Variants in MAP2K5 observed in about 807,000 individuals in gnomAD.
MAP2K5 encodes the protein dual specificity mitogen-activated protein kinase kinase 5.
In MAP2K5, 49 loss-of-function variants were observed where a neutral mutation model predicts 83.1. The ratio of observed to expected loss-of-function variants is 0.59; its 90% CI spans 0.47 to 0.75. MAP2K5 has a LOEUF of 0.75. Ranked by LOEUF, MAP2K5 falls within the 30% of genes least tolerant of loss-of-function variation. The pLI is 0.00. For synonymous variants in MAP2K5, 202 were observed against 191.8 expected (o/e 1.05, Z -0.44); for missense variants, 457 against 557.5 (o/e 0.82, Z 1.82).
In MAP2K5 at chr15:67,764,804, A is replaced by T. The variant is rs6494694; in HGVS notation, c.1135-4798A>T. Among the ~76,000 whole-genome samples, 2 of 152,008 alleles carry T rather than the reference A, an allele frequency of 1.3e-5. No individual in the cohort carries two copies. The highest frequency in any genetic ancestry group is 4.8e-5 in the African/African-American group (2 of 41,358). On this transcript the variant is annotated intron_variant, in intron 19 of 21. Transcript: ENST00000178640. This position sits in a 1 kb window ranked among gnomAD's most constrained non-coding sequence, Gnocchi z 4.9. ...GAATTATAGGCAAAAATGTAGTCCTAAGGAATATTTTTTTAAGCAAAAGGC... is the reference window on the plus strand; with the variant it reads ...GAATTATAGGCAAAAATGTAGTCCTTAGGAATATTTTTTTAAGCAAAAGGC...
Position 67,789,163 on chromosome 15 carries a change from C to T in MAP2K5, c.1242+16411C>T, listed in dbSNP as rs546789418. 3.3e-5 allele frequency among the ~76,000 whole-genome samples: 5 copies of T among 152,168 alleles called. No individual in the cohort carries two copies. In the South Asian group the frequency reaches 1.0e-3, roughly 32 times the overall value. Reference sequence around the variant, plus strand: ...TTTTTACTTAGTGAGTCATTGAGGTCTTTCCATATAATATAAAGATCAACC... The same window carrying T: ...TTTTTACTTAGTGAGTCATTGAGGTTTTTCCATATAATATAAAGATCAACC... On this transcript the variant is annotated intron_variant, in intron 21 of 21. Transcript: ENST00000178640.
chr15:67,714,107 G>A (rs760152922), intron 16 of MAP2K5, among the ~76,000 whole-genome samples: 3 of 152,082 alleles, frequency 2.0e-5, no homozygotes, highest in African/African-American at 7.2e-5. Flanking sequence ...AACAAAATAG[G>A]CATATTCCCT....
intron 13 of MAP2K5, among the ~76,000 whole-genome samples, chr15:67,681,754 G>A (rs2087823615): frequency 6.6e-6 from 1 of 152,172 alleles, no homozygotes; most frequent in Admixed American, 6.5e-5. Context: ...TTTCTCTTTA[G>A]TGGTATGAAA....
chr15:67,676,922 G>A lies in MAP2K5; in HGVS notation c.847+12277G>A, dbSNP rs923586990. On this transcript the variant is annotated intron_variant, in intron 13 of 21. Transcript: ENST00000178640. This position sits in a 1 kb window ranked among gnomAD's most constrained non-coding sequence, Gnocchi z 4.8. ...ATTCATCTTAGCTATGTGACCTTGG[G>A]TCAGCTTCTTAACTTCTTTGAGGTC... Among the ~76,000 whole-genome samples the A allele has an allele frequency of 6.6e-6, 1 of 152,118 alleles. No individual in the cohort carries two copies. Among genetic ancestry groups the A allele is most frequent in the Admixed American group, 6.6e-5 (1 of 15,262 alleles).
At chr15:67,608,309 A>G in intron 8 of MAP2K5, among the ~76,000 whole-genome samples, 1 of 152,212 alleles carries the variant, frequency 6.6e-6, no homozygotes, top group Admixed American at 6.5e-5. Flanking sequence ...CAGAGGAGCA[A>G]TGGAGAGAAT....
At chr15:67,634,236 G>A (rs1171484030) in intron 9 of MAP2K5, among the ~76,000 whole-genome samples, 1 of 151,318 alleles carries the variant, frequency 6.6e-6, no homozygotes, top group African/African-American at 2.4e-5. Flanking sequence ...GGGCATGGTG[G>A]TGTGTGCCTG....
In MAP2K5 at chr15:67,542,726, GCTACCGCCGTCGCCGCCGCC is replaced by G. The variant is rs2084316365; in HGVS notation, c.-609_-590del. ...CCGCCTTCCTCCTCCTCCTCTCGCC[GCTACCGCCGTCGCCGCCGCC>G]GCAGCCGCCGCCAGTCCGCGCGGCC... On this transcript the variant is annotated 5_prime_UTR_variant, in exon 1 of 22. Coordinates refer to ENST00000178640, the MANE Select transcript of MAP2K5 (RefSeq NM_145160.3). 1 of 97,692 alleles carries G rather than the reference GCTACCGCCGTCGCCGCCGCC, an allele frequency of 1.0e-5. No individual in the cohort carries two copies. The highest frequency in any genetic ancestry group is 2.5e-5 in the Non-Finnish European group (1 of 39,494). 6.1% of individuals were successfully genotyped at this position (97,692 alleles called of 1,614,324 possible).
rs17300363 is a variant in MAP2K5, at chr15:67,561,024, A to C, written c.185-2259A>C. 0.061 allele frequency among the ~76,000 whole-genome samples: 9,229 copies of C among 152,268 alleles called. 416 individuals carry two copies. Among genetic ancestry groups the C allele is most frequent in the South Asian group, 0.17 (841 of 4,826 alleles). On this transcript the variant is annotated intron_variant, in intron 2 of 21. Transcript: ENST00000178640. The surrounding 1 kb of genome is among the most constrained non-coding windows in gnomAD (Gnocchi z 4.2). ...CAGGTCTTGGGTATATTGAAATTCA[A>C]ATATAAGCAGTCTCTTTTTAACCAT...
intron 19 of MAP2K5, among the ~76,000 whole-genome samples, chr15:67,765,766 C>T (rs1257963358): frequency 6.6e-6 from 1 of 152,178 alleles, no homozygotes; most frequent in Non-Finnish European, 1.5e-5. Context: ...TACAGACACA[C>T]ACACACATTT....
rs932428557 is a variant in MAP2K5, at chr15:67,757,310, G to A, written c.1134+8709G>A. The stretch of plus-strand genomic sequence containing the variant: ...AAAATAGTATTTCTAGAAGACATTT[G>A]CAAATCAGATTATGTCTTCCCATTG... On this transcript the variant is annotated intron_variant, in intron 19 of 21. Transcript: ENST00000178640. This position sits in a 1 kb window ranked among gnomAD's most constrained non-coding sequence, Gnocchi z 4.9. Among the ~76,000 whole-genome samples, 3 of 152,110 alleles carry A rather than the reference G, an allele frequency of 2.0e-5. No individual in the cohort carries two copies. The highest frequency in any genetic ancestry group is 7.2e-5 in the African/African-American group (3 of 41,410).
At chr15:67,705,483 C>G (rs2088528091) in intron 16 of MAP2K5, among the ~76,000 whole-genome samples, 1 of 152,096 alleles carries the variant, frequency 6.6e-6, no homozygotes, top group African/African-American at 2.4e-5. Context: ...GCCCATAATC[C>G]CAACACTTTG....
At chr15:67,691,665 C>G (rs1483579383) in intron 13 of MAP2K5, among the ~76,000 whole-genome samples, 1 of 152,192 alleles carries the variant, frequency 6.6e-6, no homozygotes. Flanking sequence ...GTGGTATGCT[C>G]TTGTCCTCCT....
chr15:67,661,326 A>C (rs1442504541), intron 12 of MAP2K5, among the ~76,000 whole-genome samples: 2 of 152,072 alleles, frequency 1.3e-5, no homozygotes, highest in Non-Finnish European at 2.9e-5. Context: ...TTTCTGAAGC[A>C]GTGACATTGT....
chr15:67,754,388 A>G (rs1461860942), intron 19 of MAP2K5, among the ~76,000 whole-genome samples: 2 of 152,200 alleles, frequency 1.3e-5, no homozygotes, highest in Non-Finnish European at 2.9e-5. Context: ...ACCACATTCC[A>G]TTTCGTAGAA....
chr15:67,646,508 T>A (rs781777941), intron 11 of MAP2K5, 39 bp downstream of exon 11: 3 of 1,196,554 alleles, frequency 2.5e-6, no homozygotes, highest in Admixed American at 4.0e-5. Context: ...AAATGATTTT[T>A]AGAGTATATA....
In MAP2K5 at chr15:67,665,810, C is replaced by T. The variant is rs1038821204; in HGVS notation, c.847+1165C>T. On this transcript the variant is annotated intron_variant, in intron 13 of 21. Coordinates refer to ENST00000178640, the MANE Select transcript of MAP2K5 (RefSeq NM_145160.3). This position sits in a 1 kb window ranked among gnomAD's most constrained non-coding sequence, Gnocchi z 4.2. Reference sequence around the variant, plus strand: ...GGGAGAGTGAGTTTTGTTAGTGTTACTTTCTCTGAGTATAAATAAGTGTGT... The same window carrying T: ...GGGAGAGTGAGTTTTGTTAGTGTTATTTTCTCTGAGTATAAATAAGTGTGT... Among the ~76,000 whole-genome samples the T allele has an allele frequency of 2.6e-5, 4 of 151,956 alleles. No homozygotes were observed. Among genetic ancestry groups the T allele is most frequent in the Non-Finnish European group, 5.9e-5 (4 of 67,970 alleles).
intron 16 of MAP2K5, among the ~76,000 whole-genome samples, chr15:67,715,763 C>G (rs1401848887): frequency 6.6e-6 from 1 of 152,148 alleles, no homozygotes; most frequent in Non-Finnish European, 1.5e-5. Flanking sequence ...TCTTTTATGA[C>G]AAGAAGGCTG....
At position 67,668,671 on chromosome 15, in the gene MAP2K5, G is replaced by A. The variant is rs2087448067; in HGVS notation, c.847+4026G>A. ...TAACACCTATGCCATTTCTTGGGAAGATGTGAGAATGCCCTGGTAGTAACT... is the reference window on the plus strand; with the variant it reads ...TAACACCTATGCCATTTCTTGGGAAAATGTGAGAATGCCCTGGTAGTAACT... On this transcript the variant is annotated intron_variant, in intron 13 of 21. Transcript: ENST00000178640. The surrounding 1 kb of genome is among the most constrained non-coding windows in gnomAD (Gnocchi z 4.0). Among the ~76,000 whole-genome samples the A allele has an allele frequency of 6.6e-6, 1 of 152,118 alleles. No individual in the cohort carries two copies. Among genetic ancestry groups the A allele is most frequent in the African/African-American group, 2.4e-5 (1 of 41,434 alleles).
At chr15:67,800,293 A>G (rs1276918151) in intron 21 of MAP2K5, among the ~76,000 whole-genome samples, 2 of 152,220 alleles carry the variant, frequency 1.3e-5, no homozygotes, top group Non-Finnish European at 2.9e-5. Context: ...CAAGACTTCA[A>G]TATTAATGTA....
Sources: gnomAD v4.1 joint callset for allele counts (sites outside exome capture counted in the v4.1 genomes callset) on GRCh38, gnomAD v4.1.1 for gene constraint, Gnocchi (gnomAD v3.1) non-coding constraint, MANE v1.5 for transcripts, NCBI Gene and HGNC (gene_info 2026-07-23, HGNC 2026-07-21) for gene names.